AFDN: variants seen among roughly 807,000 people sequenced by gnomAD.
AFDN encodes the protein afadin, adherens junction formation factor, also known as afadin.
A neutral mutation model predicts 216.6 loss-of-function variants in AFDN; 68 were observed. The ratio of observed to expected loss-of-function variants is 0.31; its 90% CI spans 0.26 to 0.38. The LOEUF (loss-of-function observed/expected upper bound fraction) is 0.38. Among genes scored for constraint, AFDN ranks in the 10% least tolerant of loss-of-function variants. AFDN has a pLI of 1.00. For synonymous variants in AFDN, 868 were observed against 853.7 expected (o/e 1.02, Z -0.29); for missense variants, 2,136 against 2,342.0 (o/e 0.91, Z 1.82).
intron 6 of AFDN, among the ~76,000 whole-genome samples, chr6:167,886,078 A>G (rs948038090): frequency 2.0e-5 from 3 of 152,216 alleles, no homozygotes; most frequent in African/African-American, 7.2e-5. Flanking sequence ...TCACAAAAAT[A>G]TAGTAATCTC....
At chr6:167,883,533 G>A (rs966423813) in intron 6 of AFDN, among the ~76,000 whole-genome samples, 3 of 152,180 alleles carry the variant, frequency 2.0e-5, no homozygotes, top group African/African-American at 4.8e-5. Flanking sequence ...TTGCAGGTTC[G>A]ATGCCAGAGA....
At chr6:167,869,136 A>G (rs1423905852) in intron 2 of AFDN, among the ~76,000 whole-genome samples, 3 of 146,172 alleles carry the variant, frequency 2.1e-5, no homozygotes, top group Non-Finnish European at 4.7e-5. Context: ...GGGCACTGTC[A>G]TATGCATTCT....
At chr6:167,904,270 A>G (rs1789362486) in intron 12 of AFDN, among the ~76,000 whole-genome samples, 1 of 150,680 alleles carries the variant, frequency 6.6e-6, no homozygotes, top group Non-Finnish European at 1.5e-5. Flanking sequence ...GTGCAGTGGC[A>G]TGATCTCGGC....
chr6:167,951,229 A>T lies in AFDN; in HGVS notation c.3875A>T (p.Tyr1292Phe). The part of the protein sequence containing the change: ...SQEELREDKA[Y>F]QLERHRIEAA... The stretch of plus-strand genomic sequence containing the variant: ...GAAGAACTTCGAGAAGATAAAGCTT[A>T]CCAACTTGAGCGGCATCGAATAGAG... Residue 1292 changes from tyrosine (Y) to phenylalanine (F), a missense_variant, in exon 30 of 34, where the codon TAC (tyrosine) becomes TTC (phenylalanine). Around this residue, in one of 8 missense-constraint regions of AFDN, gnomAD observed 981 missense variants for 966.0 expected, o/e 1.02. Transcript: ENST00000683244. This position sits in a 1 kb window ranked among gnomAD's most constrained non-coding sequence, Gnocchi z 7.1. 6.3e-7 allele frequency: 1 copy of T among 1,595,122 alleles called. No individual in the cohort carries two copies. The highest frequency in any genetic ancestry group is 1.1e-5 in the South Asian group (1 of 87,216).
At chr6:167,862,054 G>A (rs1583194721) in intron 1 of AFDN, among the ~76,000 whole-genome samples, 1 of 152,254 alleles carries the variant, frequency 6.6e-6, no homozygotes, top group African/African-American at 2.4e-5. Flanking sequence ...GAAAGTATTG[G>A]AATCCTGGAA....
At chr6:167,932,460 A>G (rs955326648) in intron 23 of AFDN, 2 of 152,240 alleles carry the variant, frequency 1.3e-5, no homozygotes, top group Admixed American at 1.3e-4. Context: ...ATTACAAACA[A>G]TTCCCTCCTT....
intron 11 of AFDN, among the ~76,000 whole-genome samples, chr6:167,899,266 T>C (rs1398623779): frequency 6.6e-6 from 1 of 152,158 alleles, no homozygotes; most frequent in East Asian, 1.9e-4. Flanking sequence ...ATATATTTAT[T>C]TGTAAAGTTC....
In AFDN at chr6:167,945,432, C is replaced by G. The variant is rs146369035; in HGVS notation, c.3359-1275C>G. 2.3e-3 allele frequency among the ~76,000 whole-genome samples: 353 copies of G among 152,292 alleles called. 4 individuals are homozygous for G. Among genetic ancestry groups the G allele is most frequent in the African/African-American group, 7.5e-3 (313 of 41,560 alleles). On this transcript the variant is annotated intron_variant, in intron 26 of 33. Transcript: ENST00000683244. Reference sequence around the variant, plus strand: ...TTTTTATAAGTAAAGGGAGTACACTCTAAAATAACAATAAAAAATATAGTA... The same window carrying G: ...TTTTTATAAGTAAAGGGAGTACACTGTAAAATAACAATAAAAAATATAGTA...
At chr6:167,942,819 C>T (rs1471517144) in intron 23 of AFDN, among the ~76,000 whole-genome samples, 1 of 152,118 alleles carries the variant, frequency 6.6e-6, no homozygotes, top group Non-Finnish European at 1.5e-5. Context: ...TACTAGGTTG[C>T]TTTTTGTATT....
At chr6:167,945,768 G>T (rs369321301) in intron 26 of AFDN, among the ~76,000 whole-genome samples, 1 of 152,020 alleles carries the variant, frequency 6.6e-6, no homozygotes, top group South Asian at 2.1e-4. Flanking sequence ...TTATTTTCTG[G>T]AACTGTGGTT....
chr6:167,879,053 T>G (rs1429897921), intron 5 of AFDN, among the ~76,000 whole-genome samples: 1 of 152,240 alleles, frequency 6.6e-6, no homozygotes, highest in Admixed American at 6.5e-5. Context: ...TTCCTCTGCA[T>G]CCTACTTCCC....
intron 10 of AFDN, 71 bp from the exon 11 acceptor site, chr6:167,898,134 G>T: frequency 6.4e-7 from 1 of 1,551,252 alleles, no homozygotes. Context: ...GGTACTCACG[G>T]TTTTAACATT....
intron 5 of AFDN, among the ~76,000 whole-genome samples, chr6:167,876,364 T>G (rs548039743): frequency 6.6e-6 from 1 of 152,354 alleles, no homozygotes; most frequent in Non-Finnish European, 1.5e-5. Context: ...GAGACCCAAG[T>G]GATTCTTTGT....
At chr6:167,911,025 GA>G (rs2128453897) in intron 13 of AFDN, 75 bp from the exon 14 acceptor site, 1 of 1,239,910 alleles carries the variant, frequency 8.1e-7, no homozygotes, top group Non-Finnish European at 1.2e-6. Flanking sequence ...AGTAGTTGCA[GA>G]AATCTACACA....
At chr6:167,836,656 G>C (rs1186802232) in intron 1 of AFDN, among the ~76,000 whole-genome samples, 2 of 150,254 alleles carry the variant, frequency 1.3e-5, no homozygotes, top group African/African-American at 4.8e-5. Context: ...AATATATTGT[G>C]TTGTTAATTT....
Position 167,827,037 on chromosome 6 carries a change from G to C in AFDN, c.-96G>C, listed in dbSNP as rs963304773. 3.6e-5 allele frequency: 16 copies of C among 447,440 alleles called. No homozygotes were observed. The highest frequency in any genetic ancestry group is 1.1e-4 in the African/African-American group (5 of 46,370). 27.7% of individuals were successfully genotyped at this position (447,440 alleles called of 1,614,324 possible). ...GCCGCGGAGGCGGAGGCGGCCGGCG[G>C]GGGGTGGCGAGGGGCGCCGGGCCCC... On this transcript the variant is annotated 5_prime_UTR_variant, in exon 1 of 34. Transcript: ENST00000683244.
intron 31 of AFDN, chr6:167,963,901 T>C (rs1797278054): frequency 1.9e-6 from 2 of 1,064,486 alleles, no homozygotes; most frequent in Admixed American, 5.3e-5. Flanking sequence ...CCCTGGCTGC[T>C]TGGAGGGCTG....
intron 23 of AFDN, among the ~76,000 whole-genome samples, chr6:167,942,047 A>G (rs1794749741): frequency 6.6e-6 from 1 of 152,190 alleles, no homozygotes. Context: ...ACAAAATTTG[A>G]CCTGCTACAG....
rs1381083472 is a variant in AFDN at position 167,827,100 on chromosome 6, G to A, written c.-33G>A. 8.5e-7 allele frequency: 1 copy of A among 1,183,228 alleles called. No individual in the cohort carries two copies. The highest frequency in any genetic ancestry group is 1.5e-5 in the South Asian group (1 of 65,706). The allele number at this position is 1,183,228 out of a possible 1,614,324, so 73.3% of individuals were successfully genotyped here. ...GTCCTCGGCCCGTCCTCCGGCCCCG[G>A]CCCCGCGCGGCTGAGGAGGCGCGGC... On this transcript the variant is annotated 5_prime_UTR_variant, in exon 1 of 34. Coordinates refer to ENST00000683244, the MANE Select transcript of AFDN (RefSeq NM_001386888.1).
Sources: gnomAD v4.1 joint callset for allele counts (sites outside exome capture counted in the v4.1 genomes callset) on GRCh38, gnomAD v4.1.1 for gene constraint, gnomAD v4.1.1 regional missense constraint, Gnocchi (gnomAD v3.1) non-coding constraint, MANE v1.5 for transcripts, NCBI Gene and HGNC (gene_info 2026-07-23, HGNC 2026-07-21) for gene names.